Variants in CRTAC1 observed in about 807,000 individuals in gnomAD.
CRTAC1 encodes cartilage acidic protein 1.
In CRTAC1, 37 loss-of-function variants were observed where a neutral mutation model predicts 67.8. The ratio of observed to expected loss-of-function variants is 0.55; its 90% CI spans 0.42 to 0.72. The LOEUF (loss-of-function observed/expected upper bound fraction) is 0.72, where lower values mean the gene tolerates loss of function less well. Among genes scored for constraint, CRTAC1 ranks in the 30% least tolerant of loss-of-function variants. The pLI, the probability that CRTAC1 is intolerant of heterozygous loss-of-function variation, is 0.00. For missense variants in CRTAC1, 780 were observed against 931.6 expected (o/e 0.84, Z 2.12); for synonymous variants, 348 against 371.0 (o/e 0.94, Z 0.71).
chr10:98,001,089 T>C (rs1276851657), intron 2 of CRTAC1, among the ~76,000 whole-genome samples: 2 of 152,194 alleles, frequency 1.3e-5, no homozygotes, highest in Non-Finnish European at 2.9e-5. Context: ...GGTCACTTCA[T>C]GATAATGGGT....
At chr10:97,920,241 C>G (rs147252790) in intron 4 of CRTAC1, among the ~76,000 whole-genome samples, 4 of 152,338 alleles carry the variant, frequency 2.6e-5, no homozygotes, top group South Asian at 2.1e-4. Context: ...GAAATTCACT[C>G]TGCTAGAAAT....
At chr10:97,894,617 C>T (rs545452284) in intron 11 of CRTAC1, among the ~76,000 whole-genome samples, 77 of 147,980 alleles carry the variant, frequency 5.2e-4, no homozygotes, top group African/African-American at 1.8e-3. Context: ...AGGCTAGTCT[C>T]GAACTCTTGA....
intron 3 of CRTAC1, among the ~76,000 whole-genome samples, chr10:97,928,566 A>AAG (rs1345289979): frequency 5.9e-5 from 9 of 152,192 alleles, no homozygotes; most frequent in Non-Finnish European, 1.0e-4. Context: ...GGGCATGAGA[A>AAG]AGAAGGGGAC....
intron 11 of CRTAC1, among the ~76,000 whole-genome samples, chr10:97,893,300 C>A (rs2050403315): frequency 6.6e-6 from 1 of 152,024 alleles, no homozygotes. Context: ...TTTGTATTTA[C>A]TAATTTGAGA....
At position 97,904,712 on chromosome 10, in the gene CRTAC1, C is replaced by G; in HGVS notation, c.953G>C (p.Arg318Pro). ...IVYGNWNGPH[R>P]LYLQMSTHGK... ...ATGGGTGCTCATTTGCAGATAGAGGCGGTGGGGGCCATTCCAGTTGCCATA... is the reference window on the plus strand; with the variant it reads ...ATGGGTGCTCATTTGCAGATAGAGGGGGTGGGGGCCATTCCAGTTGCCATA... Residue 318 changes from arginine (R) to proline (P), a missense_variant, in exon 7 of 15, where the codon CGC becomes CCC. Arg to Pro is a moderately radical substitution (Grantham distance 103). Coordinates refer to ENST00000370597, the MANE Select transcript of CRTAC1 (RefSeq NM_018058.7). The G allele has an allele frequency of 6.3e-7, 1 of 1,598,012 alleles. No homozygotes were observed. The highest frequency in any genetic ancestry group is 8.5e-7 in the Non-Finnish European group (1 of 1,172,840).
intron 1 of CRTAC1, among the ~76,000 whole-genome samples, chr10:98,025,767 C>T (rs1351464993): frequency 2.0e-5 from 3 of 152,222 alleles, no homozygotes; most frequent in Non-Finnish European, 4.4e-5. Context: ...ACGAATTTGT[C>T]AGCACTCTTA....
At chr10:97,965,631 G>T (rs1381375976) in intron 2 of CRTAC1, among the ~76,000 whole-genome samples, 2 of 151,216 alleles carry the variant, frequency 1.3e-5, no homozygotes, top group East Asian at 3.9e-4. Context: ...TTTTTAAACT[G>T]GATAGTTGAG....
intron 2 of CRTAC1, among the ~76,000 whole-genome samples, chr10:98,004,631 C>A (rs1316398407): frequency 6.6e-6 from 1 of 151,702 alleles, no homozygotes; most frequent in Non-Finnish European, 1.5e-5. Flanking sequence ...GTGGAGTTTG[C>A]AATGGTCACA....
intron 8 of CRTAC1, among the ~76,000 whole-genome samples, chr10:97,898,337 G>A (rs568694885): frequency 5.6e-4 from 86 of 152,310 alleles, no homozygotes; most frequent in African/African-American, 1.9e-3. Flanking sequence ...CAGAGTTGGG[G>A]AAGCTCACCC....
intron 2 of CRTAC1, among the ~76,000 whole-genome samples, chr10:98,004,307 C>G (rs918167244): frequency 2.0e-5 from 3 of 152,190 alleles, no homozygotes; most frequent in Non-Finnish European, 4.4e-5. Context: ...GTTTTAATAG[C>G]AGCAGCTTCC....
chr10:97,962,768 G>A (rs190654420), intron 2 of CRTAC1, among the ~76,000 whole-genome samples: 8 of 150,668 alleles, frequency 5.3e-5, no homozygotes, highest in South Asian at 4.2e-4. Context: ...CTCTGTCACC[G>A]CGCATTAAAT....
intron 2 of CRTAC1, among the ~76,000 whole-genome samples, chr10:97,951,658 C>A (rs1489127630): frequency 2.0e-5 from 3 of 152,144 alleles, no homozygotes; most frequent in South Asian, 2.1e-4. Flanking sequence ...TACCTGACTG[C>A]CAGTTAAGAT....
chr10:97,955,166 C>T (rs2051421280), intron 2 of CRTAC1, among the ~76,000 whole-genome samples: 1 of 152,182 alleles, frequency 6.6e-6, no homozygotes, highest in Non-Finnish European at 1.5e-5. Context: ...AAAGAGAACA[C>T]AAAAGCTCTG....
rs780063611 is a variant in CRTAC1 at position 97,880,253 on chromosome 10, G to A, written c.1815C>T (p.Cys605=). 33 of 1,613,930 alleles carry A rather than the reference G, an allele frequency of 2.0e-5. No individual in the cohort carries two copies. Among genetic ancestry groups the A allele is most frequent in the Admixed American group, 3.3e-5 (2 of 60,002 alleles). The change falls in exon 14 of 15, where the codon TGC becomes TGT. Residue 605 remains cysteine, a synonymous_variant. Transcript: ENST00000370597. ...GYEPNEDGTA[C]VGTLGQSPGP... Reference sequence around the variant, plus strand: ...TATGGCTGGGGCCCCACTCACCCACGCAGGCTGTGCCATCCTCGTTGGGCT... The same window carrying A: ...TATGGCTGGGGCCCCACTCACCCACACAGGCTGTGCCATCCTCGTTGGGCT...
rs767516505 is a variant in CRTAC1, at chr10:98,010,317, G to A, written c.224+821C>T. Among the ~76,000 whole-genome samples, 15 of 152,184 alleles carry A rather than the reference G, an allele frequency of 9.9e-5. No individual in the cohort carries two copies. In the East Asian group the frequency reaches 2.9e-3, roughly 29 times the overall value. ...GGCCTCCTAAAGTGCTGGGATTACA[G>A]GCGTGAGCCACTGCACCCGGCCCTC... On this transcript the variant is annotated intron_variant, in intron 2 of 14. Coordinates refer to ENST00000370597, the MANE Select transcript of CRTAC1 (RefSeq NM_018058.7).
chr10:98,010,247 C>T (rs1429199758), intron 2 of CRTAC1, among the ~76,000 whole-genome samples: 2 of 152,036 alleles, frequency 1.3e-5, no homozygotes, highest in African/African-American at 4.8e-5. Context: ...ACCATGTTGG[C>T]CAGGCTGGTC....
intron 14 of CRTAC1, among the ~76,000 whole-genome samples, chr10:97,872,851 G>A (rs1319589538): frequency 3.3e-5 from 5 of 152,172 alleles, no homozygotes; most frequent in African/African-American, 4.8e-5. Context: ...CCAGTCCCCA[G>A]ATGAACTCCG....
In CRTAC1 at chr10:97,971,992, C is replaced by T. The variant is rs553679979; in HGVS notation, c.225-35626G>A. On this transcript the variant is annotated intron_variant, in intron 2 of 14. Transcript: ENST00000370597. ...TTTTACCTGGAAGACAGCCAAATGC[C>T]TAGTTGTCTAAACTGAGACCAGGGT... Among the ~76,000 whole-genome samples, 3 of 152,254 alleles carry T rather than the reference C, an allele frequency of 2.0e-5. No homozygotes were observed. The East Asian group carries it at 5.8e-4, about 29-fold the overall frequency.
At chr10:97,914,866 A>G (rs2050736258) in intron 5 of CRTAC1, among the ~76,000 whole-genome samples, 1 of 151,940 alleles carries the variant, frequency 6.6e-6, no homozygotes, top group African/African-American at 2.4e-5. Context: ...CTCTCTCCCA[A>G]TCTCTCGCTT....
Sources: gnomAD v4.1 joint callset for allele counts (sites outside exome capture counted in the v4.1 genomes callset) on GRCh38, gnomAD v4.1.1 for gene constraint, MANE v1.5 for transcripts, NCBI Gene and HGNC (gene_info 2026-07-23, HGNC 2026-07-21) for gene names.